The following TPO variants were observed in gnomAD, a reference collection of about 807,000 sequenced individuals.
TPO encodes the protein thyroid peroxidase, also known as thyroid microsomal antigen.
In TPO, 78 loss-of-function variants were observed where a neutral mutation model predicts 96.9. The observed-to-expected ratio is 0.81, with a 90% CI of 0.67 to 0.97. The LOEUF (loss-of-function observed/expected upper bound fraction) is 0.97, where lower values mean the gene tolerates loss of function less well. Among genes scored for constraint, TPO ranks in the 50% least tolerant of loss-of-function variants. The pLI is 0.00. For missense variants in TPO, 1,252 were observed against 1,274.8 expected (o/e 0.98, Z 0.27); for synonymous variants, 547 against 538.0 (o/e 1.02, Z -0.23).
intron 15 of TPO, among the ~76,000 whole-genome samples, chr2:1,537,240 T>TAACCTCC (rs1679952464): frequency 2.0e-4 from 7 of 34,186 alleles, no homozygotes; most frequent in African/African-American, 4.5e-4. Context: ...CCCCAACTGT[T>TAACCTCC]TCGAACCACC....
chr2:1,421,396 G>A (rs1663506119), intron 2 of TPO, among the ~76,000 whole-genome samples: 1 of 152,226 alleles, frequency 6.6e-6, no homozygotes, highest in Admixed American at 6.5e-5. Context: ...TAACTCTGCA[G>A]CTAGGAGAGA....
intron 7 of TPO, among the ~76,000 whole-genome samples, chr2:1,467,218 C>T (rs550682709): frequency 1.1e-4 from 17 of 152,200 alleles, no homozygotes; most frequent in African/African-American, 9.6e-5. Context: ...ATTCTCCTCC[C>T]TCAGGATCCC....
intron 14 of TPO, among the ~76,000 whole-genome samples, chr2:1,514,381 C>T (rs1355140794): frequency 1.3e-5 from 2 of 152,178 alleles, no homozygotes; most frequent in Non-Finnish European, 2.9e-5. Flanking sequence ...TCCAGTCAAG[C>T]GGACACATAA....
intron 15 of TPO, among the ~76,000 whole-genome samples, chr2:1,530,754 T>A (rs1262006386): frequency 4.0e-5 from 3 of 75,782 alleles, no homozygotes; most frequent in South Asian, 5.9e-4. Flanking sequence ...CCCCACTGTG[T>A]GCAACCTCCT....
chr2:1,434,512 C>T (rs114863684), intron 4 of TPO, among the ~76,000 whole-genome samples: 63 of 152,278 alleles, frequency 4.1e-4, no homozygotes, highest in Admixed American at 7.8e-4. Flanking sequence ...TATGGCTGAA[C>T]GATGTTTCTA....
intron 5 of TPO, among the ~76,000 whole-genome samples, chr2:1,443,355 G>A (rs940304930): frequency 2.0e-5 from 3 of 150,482 alleles, no homozygotes; most frequent in Non-Finnish European, 4.4e-5. Flanking sequence ...GTACCATGTT[G>A]GAAGGGAATG....
At chr2:1,422,771 G>A (rs112987874) in intron 2 of TPO, among the ~76,000 whole-genome samples, 2,285 of 152,256 alleles carry the variant, frequency 0.015, 68 homozygotes, top group African/African-American at 0.052. Context: ...AAAGTTATTC[G>A]GAATCATTTG....
At chr2:1,461,440 C>A (rs1392152110) in intron 7 of TPO, among the ~76,000 whole-genome samples, 1 of 152,194 alleles carries the variant, frequency 6.6e-6, no homozygotes, top group Non-Finnish European at 1.5e-5. Flanking sequence ...GGCTATGGTG[C>A]CGCCTGGGTA....
intron 1 of TPO, among the ~76,000 whole-genome samples, chr2:1,397,924 G>A (rs76704244): frequency 0.019 from 2,903 of 152,260 alleles, 56 homozygotes; most frequent in Admixed American, 0.061. Context: ...CGTACCTGGG[G>A]TCAAAACTTC....
At position 1,529,036 on chromosome 2, in the gene TPO, A is replaced by G. The variant is rs1468523152; in HGVS notation, c.2619-11558A>G. ...ACCTCCTCAAATCCCAACTCTGTGCAACCTCCCCAAATCTCCCCAGTGTGT... is the reference window on the plus strand; with the variant it reads ...ACCTCCTCAAATCCCAACTCTGTGCGACCTCCCCAAATCTCCCCAGTGTGT... On this transcript the variant is annotated intron_variant, in intron 15 of 16. Coordinates refer to ENST00000329066, the MANE Select transcript of TPO (RefSeq NM_001206744.2). Among the ~76,000 whole-genome samples the G allele has an allele frequency of 1.5e-4, 19 of 128,182 alleles. 1 individual carries two copies. The highest frequency in any genetic ancestry group is 2.7e-4 in the South Asian group (1 of 3,684). 84.1% of individuals were successfully genotyped at this position (128,182 alleles called of 152,430 possible).
chr2:1,453,056 G>A (rs950675), intron 5 of TPO, among the ~76,000 whole-genome samples: 83,230 of 152,104 alleles, frequency 0.55, 23,006 homozygotes, highest in East Asian at 0.77. Flanking sequence ...CATTGTCATC[G>A]CCAAATCAAA....
At chr2:1,412,478 A>G (rs1662451180), upstream of TPO, among the ~76,000 whole-genome samples, 1 of 152,018 alleles carries the variant, frequency 6.6e-6, no homozygotes, top group Non-Finnish European at 1.5e-5. Flanking sequence ...TGTCTAACTC[A>G]TTTGTTATCT....
At chr2:1,495,916 C>T in intron 11 of TPO, 73 bp from the exon 12 acceptor site, 1 of 1,505,024 alleles carries the variant, frequency 6.6e-7, no homozygotes, top group Non-Finnish European at 9.1e-7. Context: ...CAGCTGTGGG[C>T]AGCTGGTCTT....
intron 1 of TPO, among the ~76,000 whole-genome samples, chr2:1,384,653 G>A (rs1277926566): frequency 6.6e-6 from 1 of 152,090 alleles, no homozygotes; most frequent in East Asian, 1.9e-4. Flanking sequence ...CATGTCATCT[G>A]CAAACAGGGA....
At chr2:1,416,944 C>G (rs1056494938) in intron 2 of TPO, among the ~76,000 whole-genome samples, 1 of 152,178 alleles carries the variant, frequency 6.6e-6, no homozygotes, top group Non-Finnish European at 1.5e-5. Context: ...ACACGGTCAC[C>G]GTAAGCACAT....
rs554373861 is a variant in TPO, at chr2:1,396,837, G to A, written n.180+22435G>A. On this transcript the variant is annotated intron_variant and non_coding_transcript_variant, in intron 1 of 5. Transcript: ENST00000497517. The stretch of plus-strand genomic sequence containing the variant: ...CCATCCTTGCTCCGTTGTGCCTCAG[G>A]AAAACATGCAATTTTAAAATAAAGC... Among the ~76,000 whole-genome samples, 252 of 152,270 alleles carry A rather than the reference G, an allele frequency of 1.7e-3. 2 individuals carry two copies. Among genetic ancestry groups the A allele is most frequent in the Admixed American group, 5.1e-3 (78 of 15,298 alleles).
chr2:1,496,981 T>G (rs1672420316), intron 13 of TPO, among the ~76,000 whole-genome samples: 2 of 152,034 alleles, frequency 1.3e-5, no homozygotes, highest in South Asian at 4.1e-4. Flanking sequence ...GACAGGCACG[T>G]GGAATCGTGA....
At chr2:1,438,060 G>C (rs184688324) in intron 5 of TPO, among the ~76,000 whole-genome samples, 330 of 152,140 alleles carry the variant, frequency 2.2e-3, no homozygotes, top group Non-Finnish European at 3.9e-3. Context: ...AGGAGGGCAG[G>C]GGGTAGGTGC....
intron 1 of TPO, among the ~76,000 whole-genome samples, chr2:1,396,900 T>TC (rs2148367314): frequency 6.6e-6 from 1 of 152,332 alleles, no homozygotes; most frequent in African/African-American, 2.4e-5. Flanking sequence ...AGTTAATGCA[T>TC]TATGTAGGAG....
Sources: allele counts gnomAD v4.1 joint callset (sites outside exome capture counted in the v4.1 genomes callset), GRCh38; gene constraint gnomAD v4.1.1; transcripts MANE v1.5; gene names NCBI Gene and HGNC (gene_info 2026-07-23, HGNC 2026-07-21).